KLHL13: variants seen among roughly 807,000 people sequenced by gnomAD.
KLHL13 encodes kelch-like protein 13.
KLHL13 carries 10 observed loss-of-function variants against 37.1 expected under a neutral mutation model. The ratio of observed to expected loss-of-function variants is 0.27; its 90% CI spans 0.17 to 0.46. KLHL13 has a LOEUF of 0.46. Among genes scored for constraint, KLHL13 ranks in the 20% least tolerant of loss-of-function variants. The pLI, the probability that KLHL13 is intolerant of heterozygous loss-of-function variation, is 1.00. For synonymous variants in KLHL13, 163 were observed against 181.2 expected (o/e 0.90, Z 0.81); for missense variants, 360 against 509.3 (o/e 0.71, Z 2.82).
Position 118,019,858 on chromosome X carries a change from GT to G in KLHL13, c.-55-74284del, listed in dbSNP as rs767409396. On this transcript the variant is annotated intron_variant, in intron 1 of 6. Coordinates refer to the KLHL13 transcript ENST00000371882. ...TTCTGTTCCATTGATCTATATCTCTGTTTTGGTACCAGTACCATGCTGTTTT... is the reference window on the plus strand; with the variant it reads ...TTCTGTTCCATTGATCTATATCTCTGTTTGGTACCAGTACCATGCTGTTTT... 8.5e-3 allele frequency among the ~76,000 whole-genome samples: 877 copies of G among 103,449 alleles called. 7 individuals carry two copies. Among genetic ancestry groups the G allele is most frequent in the Non-Finnish European group, 0.013 (658 of 51,008 alleles). 89.8% of individuals were successfully genotyped at this position (103,449 alleles called of 115,157 possible).
At chrX:118,100,013 A>G (rs1234290724) in intron 1 of KLHL13, among the ~76,000 whole-genome samples, 1 of 111,935 alleles carries the variant, frequency 8.9e-6, no homozygotes, top group East Asian at 2.8e-4. Context: ...TTCTCTGTGT[A>G]CATACTTTTT....
At chrX:118,002,181 G>A (rs373262456) in intron 1 of KLHL13, among the ~76,000 whole-genome samples, 6 of 111,772 alleles carry the variant, frequency 5.4e-5, no homozygotes, top group African/African-American at 1.9e-4. Flanking sequence ...TTAGATGCAC[G>A]AAATAGATGG....
At position 117,992,234 on chromosome X, in the gene KLHL13, T is replaced by TA. The variant is rs773486522; in HGVS notation, c.-55-46660dup. Among the ~76,000 whole-genome samples, 651 of 83,964 alleles carry TA rather than the reference T, an allele frequency of 7.8e-3. 11 individuals are homozygous for TA. Among genetic ancestry groups the TA allele is most frequent in the African/African-American group, 0.021 (456 of 21,867 alleles). The allele number at this position is 83,964 out of a possible 115,157, so 72.9% of individuals were successfully genotyped here. ...ACTTTCTCTTAGAGAAACTGAGATGTAAAAAAAAAAAAAAAGGTGCAGAAA... is the reference window on the plus strand; with the variant it reads ...ACTTTCTCTTAGAGAAACTGAGATGTAAAAAAAAAAAAAAAAGGTGCAGAAA... On this transcript the variant is annotated intron_variant, in intron 1 of 6. Coordinates refer to the KLHL13 transcript ENST00000371882.
chrX:117,962,752 T>C (rs188103741), intron 1 of KLHL13, among the ~76,000 whole-genome samples: 1 of 111,845 alleles, frequency 8.9e-6, no homozygotes, highest in Admixed American at 9.6e-5. Context: ...GTAGCAAAAG[T>C]CTATAAAAAT....
At chrX:117,986,361 A>G (rs1264323155) in intron 1 of KLHL13, among the ~76,000 whole-genome samples, 1 of 111,791 alleles carries the variant, frequency 8.9e-6, no homozygotes, top group East Asian at 2.8e-4. Flanking sequence ...AGAGTTCAAT[A>G]TTACTGAAAA....
intron 1 of KLHL13, among the ~76,000 whole-genome samples, chrX:117,954,757 T>C (rs1933816492): frequency 8.9e-6 from 1 of 112,165 alleles, no homozygotes; most frequent in African/African-American, 3.2e-5. Context: ...AGGAAATAGT[T>C]ACAATCCTCT....
At chrX:118,085,960 C>G (rs144680622) in intron 1 of KLHL13, among the ~76,000 whole-genome samples, 1 of 108,979 alleles carries the variant, frequency 9.2e-6, no homozygotes, top group African/African-American at 3.3e-5. Context: ...TTTTTTGAGA[C>G]GGAGTTTTGC....
intron 1 of KLHL13, among the ~76,000 whole-genome samples, chrX:118,053,573 T>A (rs1308614241): frequency 4.5e-5 from 5 of 109,919 alleles, no homozygotes; most frequent in African/African-American, 1.7e-4. Flanking sequence ...CACACCAACA[T>A]GGCACATGCA....
chrX:118,096,177 G>GA (rs2055203699), intron 1 of KLHL13, among the ~76,000 whole-genome samples: 2 of 111,308 alleles, frequency 1.8e-5, no homozygotes, highest in African/African-American at 6.5e-5. Flanking sequence ...TTGATAGACT[G>GA]CTAGCAAGAC....
At chrX:117,920,281 G>T (rs1371752168) in exon 3 of KLHL13, 2 of 1,207,943 alleles carry the variant, frequency 1.7e-6, no homozygotes. Context: ...ATGCCATCAT[G>T]ACTCTATGCA....
At chrX:117,907,064 G>A (rs1930593786) in intron 5 of KLHL13, among the ~76,000 whole-genome samples, 1 of 111,504 alleles carries the variant, frequency 9.0e-6, no homozygotes, top group Non-Finnish European at 1.9e-5. Context: ...AGAAAAGCAT[G>A]ATTTCCTTGT....
chrX:118,072,676 G>C (rs1239183016), intron 1 of KLHL13, among the ~76,000 whole-genome samples: 2 of 112,071 alleles, frequency 1.8e-5, no homozygotes, highest in Admixed American at 1.9e-4. Flanking sequence ...CGAAGGACAT[G>C]AACAGATTTG....
intron 1 of KLHL13, among the ~76,000 whole-genome samples, chrX:118,084,858 T>C (rs1483385242): frequency 9.1e-6 from 1 of 109,942 alleles, no homozygotes; most frequent in African/African-American, 3.3e-5. Context: ...GAAACCCCAT[T>C]CTACAAAAAT....
chrX:118,032,966 C>A (rs1038669715), intron 1 of KLHL13, among the ~76,000 whole-genome samples: 3 of 111,015 alleles, frequency 2.7e-5, no homozygotes, highest in Non-Finnish European at 5.7e-5. Flanking sequence ...GGAGCCGATG[C>A]GATCAAATGG....
intron 1 of KLHL13, among the ~76,000 whole-genome samples, chrX:118,012,791 G>A (rs992970200): frequency 1.1e-4 from 12 of 110,823 alleles, no homozygotes; most frequent in African/African-American, 3.9e-4. Flanking sequence ...CTTTGTAAGT[G>A]AATCATTAAA....
chrX:118,084,281 G>A (rs1230763971), intron 1 of KLHL13, among the ~76,000 whole-genome samples: 1 of 111,984 alleles, frequency 8.9e-6, no homozygotes, highest in Admixed American at 9.5e-5. Flanking sequence ...TTGCACCTTT[G>A]CACTCCAGCC....
At chrX:117,983,311 T>C (rs1447841982) in intron 1 of KLHL13, among the ~76,000 whole-genome samples, 1 of 111,554 alleles carries the variant, frequency 9.0e-6, no homozygotes, top group Non-Finnish European at 1.9e-5. Flanking sequence ...ATGCGTGGCA[T>C]TTTTAACAGC....
chrX:118,045,794 G>T (rs1380902130), intron 1 of KLHL13, among the ~76,000 whole-genome samples: 1 of 111,341 alleles, frequency 9.0e-6, no homozygotes, highest in African/African-American at 3.3e-5. Context: ...GCAGCAGAGT[G>T]AGACTCTGTC....
chrX:118,089,964 C>T (rs1461942802), intron 1 of KLHL13, among the ~76,000 whole-genome samples: 1 of 108,473 alleles, frequency 9.2e-6, no homozygotes, highest in Non-Finnish European at 1.9e-5. Flanking sequence ...GCCTATAGTC[C>T]CAGCTACTCA....
Sources: allele counts gnomAD v4.1 joint callset (sites outside exome capture counted in the v4.1 genomes callset), GRCh38; gene constraint gnomAD v4.1.1; transcripts MANE v1.5; gene names NCBI Gene and HGNC (gene_info 2026-07-23, HGNC 2026-07-21).